CNTN1: variants seen among roughly 807,000 people sequenced by gnomAD.
CNTN1 encodes contactin-1.
In CNTN1, 38 loss-of-function variants were observed where a neutral mutation model predicts 126.4. That is an observed-to-expected ratio of 0.30 (90% confidence interval 0.23 to 0.39). The LOEUF (loss-of-function observed/expected upper bound fraction) is 0.39. Among genes scored for constraint, CNTN1 ranks in the 10% least tolerant of loss-of-function variants. The pLI, the probability that CNTN1 is intolerant of heterozygous loss-of-function variation, is 1.00. For missense variants in CNTN1, 1,009 were observed against 1,248.4 expected (o/e 0.81, Z 2.89); for synonymous variants, 413 against 422.6 (o/e 0.98, Z 0.28).
chr12:40,758,967 C>T (rs1330693271), intron 1 of CNTN1, among the ~76,000 whole-genome samples: 3 of 151,852 alleles, frequency 2.0e-5, no homozygotes, highest in Admixed American at 1.3e-4. Flanking sequence ...TGCAATGGCC[C>T]GACCTCAGCT....
chr12:40,878,745 G>C (rs976616025), intron 1 of CNTN1, among the ~76,000 whole-genome samples: 1 of 152,130 alleles, frequency 6.6e-6, no homozygotes, highest in African/African-American at 2.4e-5. Flanking sequence ...GGGCCTACTA[G>C]AGTATTTTAC....
chr12:40,871,832 T>C (rs1943508565), intron 1 of CNTN1, among the ~76,000 whole-genome samples: 1 of 152,134 alleles, frequency 6.6e-6, no homozygotes, highest in Non-Finnish European at 1.5e-5. Context: ...GGTGGTAGTT[T>C]GACAGAAAAA....
intron 1 of CNTN1, among the ~76,000 whole-genome samples, chr12:40,795,676 T>G (rs1467358005): frequency 1.3e-5 from 2 of 152,098 alleles, no homozygotes; most frequent in African/African-American, 2.4e-5. Context: ...AAAACTATAC[T>G]TATTACCTTT....
intron 23 of CNTN1, chr12:41,061,622 A>G: frequency 3.2e-6 from 1 of 310,380 alleles, no homozygotes; most frequent in Non-Finnish European, 6.4e-6. Flanking sequence ...TAAATAAGGG[A>G]AAATGTAACA....
chr12:40,799,554 T>A (rs1416824879), intron 1 of CNTN1, among the ~76,000 whole-genome samples: 1 of 151,726 alleles, frequency 6.6e-6, no homozygotes, highest in Admixed American at 6.6e-5. Context: ...TTGTGAGAGA[T>A]AATATTTTCT....
At chr12:40,976,792 T>C (rs1172722251) in intron 15 of CNTN1, among the ~76,000 whole-genome samples, 5 of 152,192 alleles carry the variant, frequency 3.3e-5, no homozygotes, top group African/African-American at 9.6e-5. Context: ...GGGCTGGCCC[T>C]GGGTTGAAGT....
At chr12:40,902,815 G>T (rs1944656074) in intron 1 of CNTN1, among the ~76,000 whole-genome samples, 1 of 152,090 alleles carries the variant, frequency 6.6e-6, no homozygotes, top group Admixed American at 6.5e-5. Context: ...GGACTATCCA[G>T]CACCAGAATA....
intron 1 of CNTN1, among the ~76,000 whole-genome samples, chr12:40,820,328 A>G (rs1015911546): frequency 1.3e-5 from 2 of 152,174 alleles, no homozygotes; most frequent in African/African-American, 4.8e-5. Context: ...ACACTGCCAC[A>G]TTGGGGATCA....
intron 15 of CNTN1, among the ~76,000 whole-genome samples, chr12:40,963,912 C>G (rs1947201731): frequency 6.6e-6 from 1 of 152,212 alleles, no homozygotes; most frequent in Middle Eastern, 3.4e-3. Flanking sequence ...ATTTATACAG[C>G]AAGATTTATT....
chr12:40,915,471 A>G (rs1448505356), intron 3 of CNTN1, among the ~76,000 whole-genome samples: 1 of 152,120 alleles, frequency 6.6e-6, no homozygotes, highest in East Asian at 1.9e-4. Flanking sequence ...CAATTGTGTA[A>G]CTGGTCTTTA....
chr12:40,841,602 G>A (rs1942283532), intron 1 of CNTN1, among the ~76,000 whole-genome samples: 1 of 151,896 alleles, frequency 6.6e-6, no homozygotes, highest in South Asian at 2.1e-4. Context: ...ATTTATACCA[G>A]GTATGCAAGG....
At position 40,711,169 on chromosome 12, in the gene CNTN1, A is replaced by G. The variant is rs150716899; in HGVS notation, c.-77+18577A>G. On this transcript the variant is annotated intron_variant, in intron 1 of 23. Coordinates refer to ENST00000551295, the MANE Select transcript of CNTN1 (RefSeq NM_001843.4). ...TCTCAACTTTCCACAACATGAAGGG[A>G]AATTTTCTCTTGTGCTCAGAAGTTT... 1.1e-4 allele frequency among the ~76,000 whole-genome samples: 16 copies of G among 152,216 alleles called. No homozygotes were observed. In the East Asian group the frequency reaches 3.1e-3, roughly 29 times the overall value.
At chr12:40,850,156 A>G (rs1942665938) in intron 1 of CNTN1, among the ~76,000 whole-genome samples, 1 of 152,028 alleles carries the variant, frequency 6.6e-6, no homozygotes, top group Non-Finnish European at 1.5e-5. Flanking sequence ...GCACCCAACA[A>G]TTTGCTAATT....
intron 15 of CNTN1, chr12:40,971,465 G>A (rs1302038371): frequency 1.3e-6 from 2 of 1,596,602 alleles, no homozygotes; most frequent in Non-Finnish European, 1.7e-6. Flanking sequence ...AGAAAAACAT[G>A]GTGGATTCCT....
At chr12:40,720,966 T>TACAC (rs1942192064) in intron 1 of CNTN1, among the ~76,000 whole-genome samples, 1 of 143,248 alleles carries the variant, frequency 7.0e-6, no homozygotes, top group African/African-American at 2.5e-5. Context: ...TATATATATG[T>TACAC]GTATATATGT....
At chr12:40,750,867 A>C (rs1264582739) in intron 1 of CNTN1, among the ~76,000 whole-genome samples, 1 of 152,054 alleles carries the variant, frequency 6.6e-6, no homozygotes, top group East Asian at 1.9e-4. Context: ...AAGTCTAGAG[A>C]TAGATTTGGG....
intron 1 of CNTN1, among the ~76,000 whole-genome samples, chr12:40,892,823 T>C (rs1212856705): frequency 6.6e-6 from 1 of 152,022 alleles, no homozygotes; most frequent in Non-Finnish European, 1.5e-5. Context: ...GGTCAAAACA[T>C]GGTGCTTTTT....
intron 1 of CNTN1, among the ~76,000 whole-genome samples, chr12:40,732,399 C>T (rs997432713): frequency 6.6e-6 from 1 of 151,980 alleles, no homozygotes; most frequent in Non-Finnish European, 1.5e-5. Flanking sequence ...TTTAATTTAT[C>T]ATAATGATTT....
intron 1 of CNTN1, among the ~76,000 whole-genome samples, chr12:40,855,504 A>G (rs1032873825): frequency 6.6e-6 from 1 of 152,024 alleles, no homozygotes; most frequent in Non-Finnish European, 1.5e-5. Flanking sequence ...TATATATCAT[A>G]TGCTCAAAAG....
Sources: allele counts gnomAD v4.1 joint callset (sites outside exome capture counted in the v4.1 genomes callset), GRCh38; gene constraint gnomAD v4.1.1; transcripts MANE v1.5; gene names NCBI Gene and HGNC (gene_info 2026-07-23, HGNC 2026-07-21).